AGBL4: variants seen among roughly 807,000 people sequenced by gnomAD.
AGBL4 encodes the protein cytosolic carboxypeptidase 6.
Under a neutral mutation model 66.4 loss-of-function variants are expected in AGBL4, and 58 were observed. The observed-to-expected ratio is 0.87, with a 90% CI of 0.71 to 1.09. The LOEUF is 1.09. Ranked by LOEUF, AGBL4 falls within the 50% of genes least tolerant of loss-of-function variation. The pLI is 0.00. For missense variants in AGBL4, 579 were observed against 631.0 expected (o/e 0.92, Z 0.88); for synonymous variants, 234 against 222.9 (o/e 1.05, Z -0.44).
chr1:48,909,678 G>A (rs1296037848), intron 5 of AGBL4, among the ~76,000 whole-genome samples: 4 of 152,174 alleles, frequency 2.6e-5, no homozygotes, highest in Admixed American at 6.5e-5. Flanking sequence ...AAAACAGTGA[G>A]CACATGAAAG....
chr1:49,051,305 A>T (rs1644205194), intron 4 of AGBL4, among the ~76,000 whole-genome samples: 1 of 149,124 alleles, frequency 6.7e-6, no homozygotes, highest in South Asian at 2.1e-4. Flanking sequence ...CACCTTCTGA[A>T]TCTCAATAGC....
intron 2 of AGBL4, among the ~76,000 whole-genome samples, chr1:49,842,958 G>A (rs1249492536): frequency 6.6e-6 from 1 of 152,172 alleles, no homozygotes; most frequent in Admixed American, 6.5e-5. Flanking sequence ...ATATGTCTGT[G>A]GGACAATGGA....
In AGBL4 at chr1:48,564,233, G is replaced by A. The variant is rs139604121; in HGVS notation, c.1267+22771C>T. Among the ~76,000 whole-genome samples the A allele has an allele frequency of 1.1e-4, 17 of 152,196 alleles. No individual in the cohort carries two copies. In the South Asian group the frequency reaches 1.9e-3, roughly 17 times the overall value. On this transcript the variant is annotated intron_variant, in intron 11 of 13. Transcript: ENST00000371839. Reference sequence around the variant, plus strand: ...TATCCAATCCGTTCTTATCACTGCTGCCAAAGCCATATGCCTAAGATGCAG... The same window carrying A: ...TATCCAATCCGTTCTTATCACTGCTACCAAAGCCATATGCCTAAGATGCAG...
intron 4 of AGBL4, among the ~76,000 whole-genome samples, chr1:49,202,203 A>G (rs1033204295): frequency 5.3e-5 from 8 of 152,178 alleles, no homozygotes; most frequent in African/African-American, 1.7e-4. Context: ...GAGAACTTAG[A>G]TGGAAATCAA....
chr1:49,363,015 G>T (rs1206173935), intron 3 of AGBL4, among the ~76,000 whole-genome samples: 1 of 152,136 alleles, frequency 6.6e-6, no homozygotes, highest in Non-Finnish European at 1.5e-5. Flanking sequence ...GTCAGCAACT[G>T]CATATAACAG....
At chr1:48,875,382 A>G (rs2148834458) in intron 5 of AGBL4, among the ~76,000 whole-genome samples, 1 of 152,260 alleles carries the variant, frequency 6.6e-6, no homozygotes, top group East Asian at 1.9e-4. Context: ...TCAGAATAAT[A>G]AAAAATGCTT....
intron 2 of AGBL4, among the ~76,000 whole-genome samples, chr1:49,815,097 T>C (rs970557277): frequency 2.6e-5 from 4 of 152,174 alleles, no homozygotes; most frequent in African/African-American, 7.2e-5. Context: ...TGTTGCGCTA[T>C]CAAGTACTAG....
At chr1:48,707,887 T>A (rs1005194803) in intron 6 of AGBL4, among the ~76,000 whole-genome samples, 2 of 152,204 alleles carry the variant, frequency 1.3e-5, no homozygotes, top group Non-Finnish European at 2.9e-5. Context: ...TTGGCCCCTA[T>A]AAATATTTTA....
chr1:49,560,612 G>T (rs1173459780), intron 3 of AGBL4, among the ~76,000 whole-genome samples: 1 of 152,062 alleles, frequency 6.6e-6, no homozygotes, highest in African/African-American at 2.4e-5. Flanking sequence ...TCCAAGTACA[G>T]GAAGATTATG....
At chr1:49,905,139 A>C (rs1025105977) in intron 1 of AGBL4, among the ~76,000 whole-genome samples, 2 of 152,192 alleles carry the variant, frequency 1.3e-5, no homozygotes, top group Non-Finnish European at 2.9e-5. Flanking sequence ...TAATTTTCTT[A>C]AAATATATAT....
chr1:48,650,034 A>G (rs1221854678), intron 8 of AGBL4, among the ~76,000 whole-genome samples: 1 of 152,214 alleles, frequency 6.6e-6, no homozygotes, highest in Non-Finnish European at 1.5e-5. Context: ...TACTCCTTCC[A>G]AGCTCCTGCC....
intron 3 of AGBL4, among the ~76,000 whole-genome samples, chr1:49,532,983 C>A (rs947021093): frequency 2.0e-5 from 3 of 152,196 alleles, no homozygotes; most frequent in African/African-American, 4.8e-5. Context: ...TCTTCAGGCA[C>A]TATTATTTCT....
chr1:48,965,470 G>A (rs914996022), intron 5 of AGBL4, among the ~76,000 whole-genome samples: 2 of 152,176 alleles, frequency 1.3e-5, no homozygotes, highest in Non-Finnish European at 2.9e-5. Flanking sequence ...TTTGTCTGAT[G>A]TGGCTTTTAT....
At chr1:49,642,380 G>A (rs1645799372) in intron 3 of AGBL4, among the ~76,000 whole-genome samples, 2 of 151,916 alleles carry the variant, frequency 1.3e-5, no homozygotes, top group Non-Finnish European at 2.9e-5. Context: ...AAGTTTCCAA[G>A]CACAGCACAA....
At chr1:49,262,471 C>G (rs1570265404) in intron 3 of AGBL4, among the ~76,000 whole-genome samples, 1 of 152,078 alleles carries the variant, frequency 6.6e-6, no homozygotes, top group African/African-American at 2.4e-5. Flanking sequence ...AAAAAACAAA[C>G]AACCCCATCA....
intron 3 of AGBL4, among the ~76,000 whole-genome samples, chr1:49,482,504 A>G (rs1019133951): frequency 6.6e-6 from 1 of 151,616 alleles, no homozygotes; most frequent in African/African-American, 2.4e-5. Flanking sequence ...AATTGTTTTT[A>G]TATAAATCTT....
chr1:48,897,443 AG>A (rs1331511424), intron 5 of AGBL4, among the ~76,000 whole-genome samples: 113 of 152,336 alleles, frequency 7.4e-4, no homozygotes, highest in African/African-American at 2.6e-3. Context: ...TAAACATGGG[AG>A]TACAGATATC....
chr1:49,043,950 A>C (rs1329363093), intron 5 of AGBL4, among the ~76,000 whole-genome samples: 1 of 152,168 alleles, frequency 6.6e-6, no homozygotes, highest in Non-Finnish European at 1.5e-5. Context: ...AACTAGCAAC[A>C]CATATCAGAA....
intron 3 of AGBL4, among the ~76,000 whole-genome samples, chr1:49,682,155 C>A (rs976202014): frequency 2.0e-5 from 3 of 152,116 alleles, no homozygotes; most frequent in African/African-American, 7.2e-5. Flanking sequence ...TGCCTGTAAT[C>A]CCAGCACTTT....
Sources: allele counts gnomAD v4.1 joint callset (sites outside exome capture counted in the v4.1 genomes callset), GRCh38; gene constraint gnomAD v4.1.1; transcripts MANE v1.5; gene names NCBI Gene and HGNC (gene_info 2026-07-23, HGNC 2026-07-21).